Variants in CIMAP1D observed in about 807,000 individuals in gnomAD.
CIMAP1D encodes the protein CIMAP1 family member D.
the CIMAP1D span, among the ~76,000 whole-genome samples, chr19:488,872 G>A: frequency 1.3e-5 from 2 of 152,096 alleles, no homozygotes; most frequent in Non-Finnish European, 2.9e-5. Context: ...GCCCCGTGCC[G>A]GGCCCCACGC....
the CIMAP1D span, among the ~76,000 whole-genome samples, chr19:473,089 G>T: frequency 8.1e-6 from 1 of 123,052 alleles, no homozygotes; most frequent in Non-Finnish European, 1.7e-5. Flanking sequence ...CTGAGGCCCA[G>T]GCAGAGATAC....
chr19:490,666 TAGAA>T, the CIMAP1D span, among the ~76,000 whole-genome samples: 1 of 152,208 alleles, frequency 6.6e-6, no homozygotes, highest in African/African-American at 2.4e-5. Context: ...ATATTCGTGT[TAGAA>T]AGGAGGCTTC....
At chr19:463,392 A>G in the CIMAP1D span, 1 of 200,364 alleles carries the variant, frequency 5.0e-6, no homozygotes, top group Non-Finnish European at 1.0e-5. Context: ...TGGCTAAGCA[A>G]CTGTAGAAGG....
chr19:466,519 G>A, the CIMAP1D span, among the ~76,000 whole-genome samples: 1 of 151,364 alleles, frequency 6.6e-6, no homozygotes, highest in Non-Finnish European at 1.5e-5. Flanking sequence ...TGGATGGATG[G>A]GTGGATAGAT....
chr19:467,768 G>A, the CIMAP1D span: 1 of 1,564,054 alleles, frequency 6.4e-7, no homozygotes, highest in Admixed American at 1.8e-5. Flanking sequence ...TGGTGCTGGG[G>A]AGAGGAGCCC....
the CIMAP1D span, among the ~76,000 whole-genome samples, chr19:485,475 C>T: frequency 6.6e-6 from 1 of 152,248 alleles, no homozygotes; most frequent in Non-Finnish European, 1.5e-5. Context: ...ATCCAAGTCC[C>T]ACCGTTCTTT....
At chr19:463,624 G>A in the CIMAP1D span, 2 of 649,188 alleles carry the variant, frequency 3.1e-6, no homozygotes, top group East Asian at 3.2e-5. Context: ...AAGAAACTGG[G>A]GCACTGGAAG....
the CIMAP1D span, among the ~76,000 whole-genome samples, chr19:487,278 G>C: frequency 6.6e-6 from 1 of 152,154 alleles, no homozygotes; most frequent in Non-Finnish European, 1.5e-5. Context: ...ACAGGGGGCG[G>C]CGTGCGCTGC....
At chr19:463,981 G>T in the CIMAP1D span, 1 of 1,610,474 alleles carries the variant, frequency 6.2e-7, no homozygotes, top group East Asian at 2.2e-5. Flanking sequence ...ACCTGCTCTG[G>T]GCAGTGGGCG....
At chr19:491,433 A>C in the CIMAP1D span, among the ~76,000 whole-genome samples, 1 of 152,006 alleles carries the variant, frequency 6.6e-6, no homozygotes, top group Non-Finnish European at 1.5e-5. Flanking sequence ...CCTTCTAGCC[A>C]CCTAGACCCT....
chr19:484,771 C>G, the CIMAP1D span, among the ~76,000 whole-genome samples: 2 of 151,814 alleles, frequency 1.3e-5, no homozygotes, highest in African/African-American at 4.8e-5. Context: ...GGAGGGAGGG[C>G]GGGGCTGACC....
the CIMAP1D span, among the ~76,000 whole-genome samples, chr19:465,592 TG>T: frequency 9.8e-6 from 1 of 101,880 alleles, no homozygotes; most frequent in African/African-American, 4.0e-5. Context: ...GGCAGGTGGG[TG>T]GGTGGATGGG....
the CIMAP1D span, among the ~76,000 whole-genome samples, chr19:477,821 C>T: frequency 2.5e-4 from 38 of 152,318 alleles, 1 homozygote; most frequent in East Asian, 3.9e-3. Context: ...CGCCACGCCA[C>T]GGCACGCAGG....
chr19:468,789 C>T, the CIMAP1D span, among the ~76,000 whole-genome samples: 2 of 152,222 alleles, frequency 1.3e-5, no homozygotes, highest in African/African-American at 2.4e-5. Context: ...AGGGAGGAAA[C>T]GTCATCCACA....
At chr19:488,773 G>T in the CIMAP1D span, among the ~76,000 whole-genome samples, 1 of 152,194 alleles carries the variant, frequency 6.6e-6, no homozygotes, top group Non-Finnish European at 1.5e-5. Flanking sequence ...CCCAGTCTCC[G>T]CCCGGGGACA....
chr19:477,236 A>G, the CIMAP1D span, among the ~76,000 whole-genome samples: 3 of 152,172 alleles, frequency 2.0e-5, no homozygotes, highest in Non-Finnish European at 2.9e-5. Flanking sequence ...TATAAGGAAG[A>G]TTGTAAAGAT....
At chr19:464,207 C>A in the CIMAP1D span, 48,032 of 1,515,446 alleles carry the variant, frequency 0.032, 1,171 homozygotes, top group East Asian at 0.1. Context: ...GTGAGCCCCA[C>A]AGAGGGGGCA....
chr19:467,107 A>G, the CIMAP1D span, among the ~76,000 whole-genome samples: 118 of 45,886 alleles, frequency 2.6e-3, no homozygotes, highest in Middle Eastern at 0.065. Context: ...GTGGATAGAT[A>G]GTTGGGTGGA....
At chr19:490,814 A>C in the CIMAP1D span, among the ~76,000 whole-genome samples, 1 of 151,228 alleles carries the variant, frequency 6.6e-6, no homozygotes, top group Non-Finnish European at 1.5e-5. Context: ...AAATACAAAA[A>C]TTGGCCAGGC....
Sources: gnomAD v4.1 joint callset for allele counts (sites outside exome capture counted in the v4.1 genomes callset) on GRCh38, gnomAD v4.1.1 for gene constraint, MANE v1.5 for transcripts, NCBI Gene and HGNC (gene_info 2026-07-23, HGNC 2026-07-21) for gene names.